The following ELAVL1 variants were observed in gnomAD, a reference collection of about 807,000 sequenced individuals.
ELAVL1 encodes ELAV like RNA binding protein 1, also known as ELAV-like protein 1.
In ELAVL1, 1 loss-of-function variant was observed where a neutral mutation model predicts 28.4. The ratio of observed to expected loss-of-function variants is 0.04; its 90% confidence interval spans 0.01 to 0.17. ELAVL1 has a LOEUF of 0.17. ELAVL1 is among the 10% of genes least tolerant of loss of function. ELAVL1 has a pLI of 1.00. For missense variants in ELAVL1, 157 were observed against 447.2 expected, an observed-to-expected ratio of 0.35 and a Z score of 5.85; for synonymous variants, 174 against 183.5, an observed-to-expected ratio of 0.95 and a Z score of 0.42.
Position 7,962,691 on chromosome 19 carries a change from T to C in ELAVL1, c.*792A>G, listed in dbSNP as rs1357946465. 6.5e-6 allele frequency: 1 copy of C among 152,710 alleles called. No homozygotes were observed. Among genetic ancestry groups the C allele is most frequent in the Non-Finnish European group, 1.5e-5 (1 of 68,050 alleles). The allele number at this position is 152,710 out of a possible 1,614,324, so 9.5% of individuals were successfully genotyped here. On this transcript the variant is annotated 3_prime_UTR_variant, in exon 6 of 6. Coordinates refer to ENST00000407627, the MANE Select transcript of ELAVL1 (RefSeq NM_001419.3). ...CAACAGTATCCAATGTGTGGGGCGC[T>C]GTGCATGCAATGTGTGGACAGAAAC...
rs1006746500 is a variant in ELAVL1 at position 7,981,708 on chromosome 19, G to A, written c.173-522C>T. Among the ~76,000 whole-genome samples, 2 of 152,144 alleles carry A rather than the reference G, an allele frequency of 1.3e-5. No individual in the cohort carries two copies. Among genetic ancestry groups the A allele is most frequent in the African/African-American group, 2.4e-5 (1 of 41,416 alleles). Reference sequence around the variant, plus strand: ...TTTTGTAATTAAAATAACCCCAAAAGTTATTTACAAAGGAGTATTTTTTAA... The same window carrying A: ...TTTTGTAATTAAAATAACCCCAAAAATTATTTACAAAGGAGTATTTTTTAA... On this transcript the variant is annotated intron_variant, in intron 2 of 5. Coordinates refer to ENST00000407627, the MANE Select transcript of ELAVL1 (RefSeq NM_001419.3). This position sits in a 1 kb window ranked among gnomAD's most constrained non-coding sequence, Gnocchi z 4.2.
intron 5 of ELAVL1, among the ~76,000 whole-genome samples, chr19:7,964,393 ATCCCCTGAGGG>A (rs374637032): frequency 5.3e-5 from 8 of 152,292 alleles, no homozygotes; most frequent in African/African-American, 1.9e-4. Context: ...AGAGCTCAAC[ATCCCCTGAGGG>A]TCAGGGGCCA....
chr19:7,968,235 G>A (rs1985006704), intron 4 of ELAVL1, among the ~76,000 whole-genome samples: 1 of 152,192 alleles, frequency 6.6e-6, no homozygotes. Context: ...CTGGGCTCAG[G>A]GGCCACTCTC....
At chr19:7,996,581 G>A (rs914181499) in intron 1 of ELAVL1, among the ~76,000 whole-genome samples, 26 of 151,908 alleles carry the variant, frequency 1.7e-4, no homozygotes, top group African/African-American at 6.3e-4. Flanking sequence ...CGAGGTGGGT[G>A]GATCACCTGA....
rs193063511 is a variant in ELAVL1, at chr19:7,983,478, C to A, written c.173-2292G>T. Among the ~76,000 whole-genome samples the A allele has an allele frequency of 2.8e-3, 431 of 152,312 alleles. 1 individual carries two copies. The highest frequency in any genetic ancestry group is 9.8e-3 in the African/African-American group (408 of 41,564). On this transcript the variant is annotated intron_variant, in intron 2 of 5. Coordinates refer to ENST00000407627, the MANE Select transcript of ELAVL1 (RefSeq NM_001419.3). The stretch of plus-strand genomic sequence containing the variant: ...CGGGAGGGACTCGGGATGGCAAGGG[C>A]AGGACCAGAGGGGACAGCCTCTGGG...
At chr19:7,999,234 G>T (rs771582919) in intron 1 of ELAVL1, among the ~76,000 whole-genome samples, 1 of 152,182 alleles carries the variant, frequency 6.6e-6, no homozygotes, top group South Asian at 2.1e-4. Flanking sequence ...TTAGCTGGGC[G>T]TGATGGTGCA....
intron 4 of ELAVL1, among the ~76,000 whole-genome samples, chr19:7,972,531 C>A (rs928350342): frequency 6.6e-6 from 1 of 152,242 alleles, no homozygotes; most frequent in Non-Finnish European, 1.5e-5. Flanking sequence ...CAGAGAGGGG[C>A]ATCCGAATTC....
intron 1 of ELAVL1, among the ~76,000 whole-genome samples, chr19:7,993,243 C>T (rs1223276134): frequency 6.6e-6 from 1 of 152,172 alleles, no homozygotes; most frequent in Non-Finnish European, 1.5e-5. Context: ...ACAAACAATT[C>T]CAGCACCACA....
rs1421009636 is a variant in ELAVL1, at chr19:7,962,846, G to A, written c.*637C>T. 6.5e-6 allele frequency: 1 copy of A among 152,772 alleles called. No homozygotes were observed. The highest frequency in any genetic ancestry group is 1.5e-5 in the Non-Finnish European group (1 of 68,120). The allele number at this position is 152,772 out of a possible 1,614,324, so 9.5% of individuals were successfully genotyped here. On this transcript the variant is annotated 3_prime_UTR_variant, in exon 6 of 6. Coordinates refer to ENST00000407627, the MANE Select transcript of ELAVL1 (RefSeq NM_001419.3). Reference sequence around the variant, plus strand: ...GTGCCTGGGCTTACGAAACACGTTTGTGTCCTTCTCTGGAGGGCCCGCCCA... The same window carrying A: ...GTGCCTGGGCTTACGAAACACGTTTATGTCCTTCTCTGGAGGGCCCGCCCA...
chr19:7,983,490 G>A (rs988855198), intron 2 of ELAVL1, among the ~76,000 whole-genome samples: 1 of 152,178 alleles, frequency 6.6e-6, no homozygotes, highest in Non-Finnish European at 1.5e-5. Context: ...GGACCAGAGG[G>A]GACAGCCTCT....
At chr19:7,966,461 A>G (rs1240510422) in intron 5 of ELAVL1, among the ~76,000 whole-genome samples, 1 of 152,206 alleles carries the variant, frequency 6.6e-6, no homozygotes, top group Non-Finnish European at 1.5e-5. Flanking sequence ...CAGAATGCAT[A>G]CATACAACAT....
In ELAVL1 at chr19:7,982,070, C is replaced by G. The variant is rs1164872868; in HGVS notation, c.173-884G>C. Among the ~76,000 whole-genome samples the G allele has an allele frequency of 2.6e-5, 4 of 152,154 alleles. No individual in the cohort carries two copies. The highest frequency in any genetic ancestry group is 5.9e-5 in the Non-Finnish European group (4 of 68,022). The stretch of plus-strand genomic sequence containing the variant: ...GGTTCACAGGCAGATGTCCCTGTAC[C>G]CCCTTTGTGAAACACTCAGCACAGG... On this transcript the variant is annotated intron_variant, in intron 2 of 5. Coordinates refer to ENST00000407627, the MANE Select transcript of ELAVL1 (RefSeq NM_001419.3). The surrounding 1 kb of genome is among the most constrained non-coding windows in gnomAD (Gnocchi z 4.3).
At position 7,960,269 on chromosome 19, in the gene ELAVL1, C is replaced by G. The variant is rs957268707; in HGVS notation, c.*3214G>C. 1.3e-5 allele frequency: 2 copies of G among 152,222 alleles called. No homozygotes were observed. Among genetic ancestry groups the G allele is most frequent in the Non-Finnish European group, 1.5e-5 (1 of 68,052 alleles). The allele number at this position is 152,222 out of a possible 1,614,324, so 9.4% of individuals were successfully genotyped here. On this transcript the variant is annotated 3_prime_UTR_variant, in exon 6 of 6. Coordinates refer to ENST00000407627, the MANE Select transcript of ELAVL1 (RefSeq NM_001419.3). ...GTCCCTGGAGGCTGGGTCTCCAGGA[C>G]TAAGGCCAAGCGCAGACTCTCAGAG...
At chr19:8,000,914 C>A (rs1008975209) in intron 1 of ELAVL1, among the ~76,000 whole-genome samples, 1 of 152,256 alleles carries the variant, frequency 6.6e-6, no homozygotes, top group African/African-American at 2.4e-5. Flanking sequence ...TTCTTTCTGG[C>A]TGGTCAAGGC....
intron 1 of ELAVL1, among the ~76,000 whole-genome samples, chr19:7,994,816 T>A (rs939645398): frequency 1.3e-5 from 2 of 152,132 alleles, no homozygotes; most frequent in Admixed American, 1.3e-4. Flanking sequence ...TTAGTGGGCA[T>A]GGTGACCCAT....
At position 7,967,664 on chromosome 19, in the gene ELAVL1, T is replaced by C. The variant is rs1984992758; in HGVS notation, c.557A>G (p.Asn186Ser). The C allele has an allele frequency of 3.1e-6, 5 of 1,614,154 alleles. No individual in the cohort carries two copies. The highest frequency in any genetic ancestry group is 4.2e-6 in the Non-Finnish European group (5 of 1,180,036). ...TGCCACGTTTTTGTTCTGGTTGGGG[T>C]TGGCTGCAAACTTCACTGTGATGGG... ...SEPITVKFAA[N>S]PNQNKNVALL... Residue 186 changes from asparagine to serine, a missense_variant, in exon 5 of 6, where the codon AAC becomes AGC. Coordinates refer to ENST00000407627, the MANE Select transcript of ELAVL1 (RefSeq NM_001419.3).
At position 7,963,316 on chromosome 19, in the gene ELAVL1, T is replaced by C. The variant is rs1205445218; in HGVS notation, c.*167A>G. On this transcript the variant is annotated 3_prime_UTR_variant, in exon 6 of 6. Coordinates refer to ENST00000407627, the MANE Select transcript of ELAVL1 (RefSeq NM_001419.3). The surrounding 1 kb of genome is among the most constrained non-coding windows in gnomAD (Gnocchi z 4.5). ...TCTAACATTGTGGGATTTCAAACAT[T>C]TGAACATGTCGGTTGCATCCCAGAG... 2.7e-6 allele frequency: 2 copies of C among 737,954 alleles called. No individual in the cohort carries two copies. The highest frequency in any genetic ancestry group is 5.5e-5 in the East Asian group (2 of 36,628). 45.7% of individuals were successfully genotyped at this position (737,954 alleles called of 1,614,324 possible). A position where few individuals can be genotyped will look rare whatever the true frequency, so the allele number is the denominator to read the frequency against.
At chr19:7,973,387 T>A (rs1427199674) in intron 4 of ELAVL1, 14 of 392,946 alleles carry the variant, frequency 3.6e-5, no homozygotes, top group Non-Finnish European at 6.3e-5. Context: ...CCCGCCACCA[T>A]GCCCAGCTAA....
At chr19:8,001,975 T>C in intron 1 of ELAVL1, 1 of 1,194,250 alleles carries the variant, frequency 8.4e-7, no homozygotes, top group Admixed American at 2.3e-5. Flanking sequence ...TGTGACTGGT[T>C]TCTCCTTGTC....
Sources: gnomAD v4.1 joint callset for allele counts (sites outside exome capture counted in the v4.1 genomes callset) on GRCh38, gnomAD v4.1.1 for gene constraint, Gnocchi (gnomAD v3.1) non-coding constraint, MANE v1.5 for transcripts, NCBI Gene and HGNC (gene_info 2026-07-23, HGNC 2026-07-21) for gene names.